Variants in SPATA17 observed in about 807,000 individuals in gnomAD.
SPATA17 encodes spermatogenesis-associated protein 17.
In SPATA17, 53 loss-of-function variants were observed where a neutral mutation model predicts 62.2. That is an observed-to-expected ratio of 0.85 (90% CI 0.68 to 1.07). The LOEUF (loss-of-function observed/expected upper bound fraction) is 1.07, where lower values mean the gene tolerates loss of function less well. Among genes scored for constraint, SPATA17 ranks in the 50% least tolerant of loss-of-function variants. SPATA17 has a pLI of 0.00. For synonymous variants in SPATA17, 146 were observed against 146.8 expected, an observed-to-expected ratio of 0.99 and a Z score of 0.04; for missense variants, 466 against 425.5, an observed-to-expected ratio of 1.10 and a Z score of -0.84.
At chr1:217,753,122 C>T (rs1009992168) in intron 6 of SPATA17, among the ~76,000 whole-genome samples, 3 of 152,142 alleles carry the variant, frequency 2.0e-5, no homozygotes, top group Admixed American at 1.3e-4. Flanking sequence ...TGATATCTGA[C>T]TTTTGCCAAT....
chr1:217,659,897 G>T (rs1414941487), intron 3 of SPATA17, among the ~76,000 whole-genome samples: 2 of 152,104 alleles, frequency 1.3e-5, no homozygotes, highest in Non-Finnish European at 2.9e-5. Context: ...TTACTGCCAT[G>T]CCTGTAGTCC....
chr1:217,795,410 C>T (rs1034775420), intron 8 of SPATA17, among the ~76,000 whole-genome samples: 45 of 140,172 alleles, frequency 3.2e-4, no homozygotes, highest in Admixed American at 3.0e-3. Context: ...TGCTCTGTCG[C>T]CCAGGCTGGG....
At chr1:217,715,171 A>G (rs1671973285) in intron 5 of SPATA17, among the ~76,000 whole-genome samples, 1 of 152,236 alleles carries the variant, frequency 6.6e-6, no homozygotes, top group Non-Finnish European at 1.5e-5. Flanking sequence ...CACACACATT[A>G]CATTATATGT....
intron 5 of SPATA17, among the ~76,000 whole-genome samples, chr1:217,725,255 A>G (rs1395179841): frequency 6.6e-6 from 1 of 152,192 alleles, no homozygotes; most frequent in Non-Finnish European, 1.5e-5. Flanking sequence ...CTAAGTGCCC[A>G]CATGTTCTCA....
intron 5 of SPATA17, among the ~76,000 whole-genome samples, chr1:217,741,735 C>T (rs1672629270): frequency 6.6e-6 from 1 of 152,130 alleles, no homozygotes; most frequent in African/African-American, 2.4e-5. Context: ...ATTTTCTCAG[C>T]TTTGAATTAA....
rs577549577 is a variant in SPATA17, at chr1:217,863,927, G to T, written c.*2+1071G>T. Among the ~76,000 whole-genome samples the T allele has an allele frequency of 2.3e-4, 35 of 152,296 alleles. 1 individual carries two copies. The South Asian group carries it at 7.0e-3, about 31-fold the overall frequency. ...AGAACCAAGGAGAAAGCACTAGGCT[G>T]TTAGAGCACAGGGTAGATTCCAGGC... is the stretch of plus-strand genomic sequence containing the variant. On this transcript the variant is annotated intron_variant, in intron 10 of 10. Coordinates refer to ENST00000366933, the MANE Select transcript of SPATA17 (RefSeq NM_138796.4).
chr1:217,831,204 G>C (rs1420643295), intron 9 of SPATA17, among the ~76,000 whole-genome samples: 1 of 152,088 alleles, frequency 6.6e-6, no homozygotes. Context: ...TGTCTAACTA[G>C]CAATGCATTG....
intron 9 of SPATA17, among the ~76,000 whole-genome samples, chr1:217,824,972 A>G (rs1410810892): frequency 6.6e-6 from 1 of 150,994 alleles, no homozygotes; most frequent in East Asian, 2.0e-4. Flanking sequence ...ACACATACAT[A>G]TACATACAAT....
chr1:217,718,252 G>C (rs1326071506), intron 5 of SPATA17, among the ~76,000 whole-genome samples: 1 of 152,070 alleles, frequency 6.6e-6, no homozygotes, highest in Non-Finnish European at 1.5e-5. Context: ...CTATCTAAAA[G>C]AATACCTGAC....
chr1:217,657,151 A>G (rs1670463682), intron 3 of SPATA17, among the ~76,000 whole-genome samples: 1 of 152,200 alleles, frequency 6.6e-6, no homozygotes, highest in Non-Finnish European at 1.5e-5. Flanking sequence ...AATTTTTACC[A>G]GAGCTGATAT....
At chr1:217,687,225 A>C (rs959381672) in intron 5 of SPATA17, among the ~76,000 whole-genome samples, 1 of 152,002 alleles carries the variant, frequency 6.6e-6, no homozygotes, top group Non-Finnish European at 1.5e-5. Context: ...TCCACATTTA[A>C]TATATTTTTA....
chr1:217,790,087 TA>T (rs1174580038), intron 8 of SPATA17, among the ~76,000 whole-genome samples: 5 of 152,032 alleles, frequency 3.3e-5, no homozygotes, highest in Non-Finnish European at 5.9e-5. Context: ...GTTAACCGGT[TA>T]GGGGGAATGA....
chr1:217,769,127 A>G (rs528354469), intron 6 of SPATA17, among the ~76,000 whole-genome samples: 1 of 152,294 alleles, frequency 6.6e-6, no homozygotes, highest in African/African-American at 2.4e-5. Context: ...TATCAAAAAG[A>G]TTGCTAAAGA....
intron 4 of SPATA17, among the ~76,000 whole-genome samples, chr1:217,673,329 T>A (rs1257625538): frequency 6.6e-6 from 1 of 152,182 alleles, no homozygotes; most frequent in Non-Finnish European, 1.5e-5. Flanking sequence ...GTTGCTGATT[T>A]GCTGCTAGGC....
chr1:217,730,989 C>T (rs1571764434), intron 5 of SPATA17, among the ~76,000 whole-genome samples: 1 of 151,984 alleles, frequency 6.6e-6, no homozygotes, highest in African/African-American at 2.4e-5. Context: ...GTAATACTGT[C>T]CTGTGGACTA....
At chr1:217,817,123 T>C (rs1201928700) in intron 9 of SPATA17, among the ~76,000 whole-genome samples, 3 of 152,118 alleles carry the variant, frequency 2.0e-5, no homozygotes, top group African/African-American at 7.2e-5. Context: ...TTAAATACCA[T>C]TAAAAGATGT....
At chr1:217,662,149 C>T (rs778738829) in intron 3 of SPATA17, among the ~76,000 whole-genome samples, 17 of 151,980 alleles carry the variant, frequency 1.1e-4, no homozygotes, top group Non-Finnish European at 1.9e-4. Context: ...ATTTGCCTTC[C>T]TTTTTTATAT....
intron 4 of SPATA17, among the ~76,000 whole-genome samples, chr1:217,672,932 A>G (rs1232868847): frequency 6.6e-6 from 1 of 152,096 alleles, no homozygotes; most frequent in African/African-American, 2.4e-5. Flanking sequence ...TCATCTTTGT[A>G]TCTTCAATGC....
intron 8 of SPATA17, among the ~76,000 whole-genome samples, chr1:217,787,928 A>T (rs1673909536): frequency 6.6e-6 from 1 of 152,218 alleles, no homozygotes; most frequent in Non-Finnish European, 1.5e-5. Context: ...TTTAGGCTTT[A>T]AAATTTCAGA....
Sources: gnomAD v4.1 joint callset for allele counts (sites outside exome capture counted in the v4.1 genomes callset) on GRCh38, gnomAD v4.1.1 for gene constraint, MANE v1.5 for transcripts, NCBI Gene and HGNC (gene_info 2026-07-23, HGNC 2026-07-21) for gene names.